CNTN5: variants seen among roughly 807,000 people sequenced by gnomAD.
The protein encoded by CNTN5 is contactin 5, also known as contactin-5.
Under a neutral mutation model 129.1 loss-of-function variants are expected in CNTN5, and 77 were observed. The observed-to-expected ratio is 0.60, with a 90% CI of 0.50 to 0.72. CNTN5 has a LOEUF of 0.72. Among genes scored for constraint, CNTN5 ranks in the 30% least tolerant of loss-of-function variants. The pLI is 0.00. For synonymous variants in CNTN5, 509 were observed against 465.6 expected (o/e 1.09, Z -1.20); for missense variants, 1,478 against 1,328.8 (o/e 1.11, Z -1.75).
chr11:99,226,490 G>C (rs1860693473), intron 1 of CNTN5, among the ~76,000 whole-genome samples: 1 of 152,066 alleles, frequency 6.6e-6, no homozygotes. Flanking sequence ...CTCTGTACCT[G>C]ACCTCATTTG....
intron 1 of CNTN5, among the ~76,000 whole-genome samples, chr11:99,302,574 T>C (rs1339772924): frequency 1.3e-5 from 2 of 151,764 alleles, no homozygotes; most frequent in Admixed American, 1.3e-4. Context: ...TACCTTCATA[T>C]CATTTGTGAG....
intron 2 of CNTN5, among the ~76,000 whole-genome samples, chr11:99,395,437 G>A (rs1941471212): frequency 6.6e-6 from 1 of 151,482 alleles, no homozygotes; most frequent in Non-Finnish European, 1.5e-5. Flanking sequence ...GATGCTGGAC[G>A]CTAGACTTTT....
intron 1 of CNTN5, among the ~76,000 whole-genome samples, chr11:99,089,109 G>C (rs1866127713): frequency 6.6e-6 from 1 of 152,022 alleles, no homozygotes; most frequent in Admixed American, 6.6e-5. Context: ...CATAATATTA[G>C]TAAATTCATG....
chr11:100,109,046 C>T (rs897615849), intron 13 of CNTN5, among the ~76,000 whole-genome samples: 1 of 152,130 alleles, frequency 6.6e-6, no homozygotes, highest in African/African-American at 2.4e-5. Flanking sequence ...TGAACTCTGT[C>T]ATGCCACCGT....
chr11:99,037,654 C>A (rs924889424), intron 1 of CNTN5, among the ~76,000 whole-genome samples: 9 of 140,248 alleles, frequency 6.4e-5, no homozygotes, highest in African/African-American at 2.4e-4. Flanking sequence ...GATCTCGGTT[C>A]ACAGCAACCT....
intron 2 of CNTN5, among the ~76,000 whole-genome samples, chr11:99,521,732 T>C (rs1947283263): frequency 6.6e-6 from 1 of 152,228 alleles, no homozygotes. Context: ...GTGGCTACAG[T>C]CTTTTCTAAC....
chr11:100,042,760 A>T (rs1942453412), intron 9 of CNTN5, among the ~76,000 whole-genome samples: 1 of 152,202 alleles, frequency 6.6e-6, no homozygotes, highest in South Asian at 2.1e-4. Context: ...TTGTGTCAGA[A>T]TTTCAGTGTG....
chr11:99,061,640 A>G (rs1289723821), intron 1 of CNTN5, among the ~76,000 whole-genome samples: 1 of 152,174 alleles, frequency 6.6e-6, no homozygotes, highest in East Asian at 1.9e-4. Flanking sequence ...AAGATGGTAT[A>G]GACTTCGATG....
chr11:99,445,024 G>A (rs555402798), intron 2 of CNTN5, among the ~76,000 whole-genome samples: 8 of 148,684 alleles, frequency 5.4e-5, no homozygotes, highest in African/African-American at 2.0e-4. Flanking sequence ...CTATATTTAT[G>A]TGTGTGTATT....
chr11:99,573,103 C>G (rs565889297), intron 3 of CNTN5, among the ~76,000 whole-genome samples: 4 of 151,280 alleles, frequency 2.6e-5, no homozygotes, highest in Non-Finnish European at 5.9e-5. Context: ...ATTTAATACA[C>G]TAGAATCAGT....
At chr11:100,324,588 C>G (rs1048757498) in intron 21 of CNTN5, among the ~76,000 whole-genome samples, 5 of 152,096 alleles carry the variant, frequency 3.3e-5, no homozygotes. Flanking sequence ...TCAATATTCT[C>G]TCTTTCAAAA....
intron 21 of CNTN5, among the ~76,000 whole-genome samples, chr11:100,313,014 A>C (rs1338548260): frequency 6.6e-6 from 1 of 152,116 alleles, no homozygotes; most frequent in East Asian, 1.9e-4. Context: ...TGAGAACAGA[A>C]AGAAAGTGAA....
intron 3 of CNTN5, among the ~76,000 whole-genome samples, chr11:99,646,276 T>C (rs1256162900): frequency 6.6e-6 from 1 of 152,234 alleles, no homozygotes; most frequent in African/African-American, 2.4e-5. Context: ...GTACCTTCTT[T>C]CTATCTGGAA....
At chr11:100,314,878 T>C (rs1951547167) in intron 21 of CNTN5, among the ~76,000 whole-genome samples, 1 of 152,312 alleles carries the variant, frequency 6.6e-6, no homozygotes, top group African/African-American at 2.4e-5. Flanking sequence ...TTCCCTGACC[T>C]GGCTTTCTGT....
At chr11:99,555,211 C>T (rs1422833374) in intron 2 of CNTN5, among the ~76,000 whole-genome samples, 1 of 151,940 alleles carries the variant, frequency 6.6e-6, no homozygotes, top group Non-Finnish European at 1.5e-5. Context: ...ATAACCTAGA[C>T]TTCTAATTTC....
In CNTN5 at chr11:100,353,817, C is replaced by T. The variant is rs550143977; in HGVS notation, c.3200-2300C>T. Among the ~76,000 whole-genome samples, 45 of 151,384 alleles carry T rather than the reference C, an allele frequency of 3.0e-4. 2 individuals carry two copies. Among genetic ancestry groups the T allele is most frequent in the African/African-American group, 8.7e-4 (36 of 41,416 alleles). On this transcript the variant is annotated intron_variant, in intron 24 of 24. Coordinates refer to ENST00000524871, the MANE Select transcript of CNTN5 (RefSeq NM_014361.4). ...TTGCATTTGTGTGTGTGTGTGTGCACGCCCATGTGTGTGTTTACCAAACAA... is the reference window on the plus strand; with the variant it reads ...TTGCATTTGTGTGTGTGTGTGTGCATGCCCATGTGTGTGTTTACCAAACAA...
chr11:100,029,063 TAGAG>T (rs369938491), intron 9 of CNTN5, among the ~76,000 whole-genome samples: 89 of 149,254 alleles, frequency 6.0e-4, no homozygotes, highest in African/African-American at 2.0e-3. Flanking sequence ...CGTTAGAAGA[TAGAG>T]AGAGAGAGAG....
chr11:100,279,850 C>G (rs1290548382), intron 18 of CNTN5, among the ~76,000 whole-genome samples: 2 of 142,480 alleles, frequency 1.4e-5, no homozygotes, highest in Non-Finnish European at 3.1e-5. Context: ...TTGGTTTACT[C>G]TTGCTTTTCT....
chr11:99,216,154 A>G (rs925810032), intron 1 of CNTN5, among the ~76,000 whole-genome samples: 2 of 152,020 alleles, frequency 1.3e-5, no homozygotes, highest in African/African-American at 4.8e-5. Flanking sequence ...CTTCTTCCCC[A>G]CTATCCTTCC....
Sources: gnomAD v4.1 joint callset for allele counts (sites outside exome capture counted in the v4.1 genomes callset) on GRCh38, gnomAD v4.1.1 for gene constraint, MANE v1.5 for transcripts, NCBI Gene and HGNC (gene_info 2026-07-23, HGNC 2026-07-21) for gene names.